RAB38: variants seen among roughly 807,000 people sequenced by gnomAD.
The protein encoded by RAB38 is ras-related protein Rab-38.
Under a neutral mutation model 18.4 loss-of-function variants are expected in RAB38, and 15 were observed. That is an observed-to-expected ratio of 0.82 (90% CI 0.55 to 1.26). The LOEUF (loss-of-function observed/expected upper bound fraction) is 1.26. RAB38 is among the 50% of genes most tolerant of loss of function. The pLI, the probability that RAB38 is intolerant of heterozygous loss-of-function variation, is 0.00. For synonymous variants in RAB38, 101 were observed against 104.4 expected, an observed-to-expected ratio of 0.97 and a Z score of 0.20; for missense variants, 294 against 267.4, an observed-to-expected ratio of 1.10 and a Z score of -0.69.
At chr11:88,041,982 C>G in the RAB38 span, among the ~76,000 whole-genome samples, 1 of 152,000 alleles carries the variant, frequency 6.6e-6, no homozygotes, top group Non-Finnish European at 1.5e-5. Flanking sequence ...GAGAACTAGA[C>G]CCCAAAAATT....
the RAB38 span, among the ~76,000 whole-genome samples, chr11:87,891,755 G>C: frequency 6.6e-6 from 1 of 151,872 alleles, no homozygotes; most frequent in African/African-American, 2.4e-5. Flanking sequence ...GAACACTATA[G>C]ATAGGCCACT....
the RAB38 span, among the ~76,000 whole-genome samples, chr11:88,017,885 G>A: frequency 2.0e-5 from 3 of 151,894 alleles, no homozygotes; most frequent in African/African-American, 7.3e-5. Context: ...CCTGGTAGGA[G>A]GTAATTGAAA....
At chr11:87,967,111 T>G in the RAB38 span, among the ~76,000 whole-genome samples, 1 of 152,218 alleles carries the variant, frequency 6.6e-6, no homozygotes, top group Admixed American at 6.5e-5. Flanking sequence ...ATTTAATTCC[T>G]TTGAACTTTA....
the RAB38 span, chr11:87,817,177 G>C: frequency 7.2e-5 from 11 of 152,214 alleles, no homozygotes; most frequent in East Asian, 2.1e-3. Context: ...ACTGCTATAA[G>C]GTATACAAAT....
the RAB38 span, among the ~76,000 whole-genome samples, chr11:88,095,231 T>G: frequency 6.6e-6 from 1 of 151,900 alleles, no homozygotes; most frequent in Non-Finnish European, 1.5e-5. Flanking sequence ...TCAACACCAT[T>G]CCTGACATAA....
the RAB38 span, among the ~76,000 whole-genome samples, chr11:88,089,812 C>A: frequency 6.6e-6 from 1 of 151,916 alleles, no homozygotes; most frequent in Non-Finnish European, 1.5e-5. Flanking sequence ...AGCTACCGCC[C>A]GCAATGGACA....
chr11:88,021,959 G>A, the RAB38 span, among the ~76,000 whole-genome samples: 2 of 151,548 alleles, frequency 1.3e-5, no homozygotes, highest in African/African-American at 2.4e-5. Context: ...ATGAGCCACT[G>A]CACCTGGCCA....
At chr11:87,962,847 C>T in the RAB38 span, among the ~76,000 whole-genome samples, 13 of 152,000 alleles carry the variant, frequency 8.6e-5, no homozygotes, top group East Asian at 3.9e-4. Flanking sequence ...AAGTGATGGA[C>T]GTATTAACTA....
chr11:88,108,648 G>A (rs1033645489), downstream of RAB38, among the ~76,000 whole-genome samples: 3 of 152,084 alleles, frequency 2.0e-5, no homozygotes, highest in Admixed American at 6.6e-5. Context: ...TTACATTTAA[G>A]GTAAATATTG....
At chr11:88,072,443 C>G in the RAB38 span, among the ~76,000 whole-genome samples, 1 of 152,074 alleles carries the variant, frequency 6.6e-6, no homozygotes, top group African/African-American at 2.4e-5. Flanking sequence ...CTGTGAGATA[C>G]TATCAATGGT....
the RAB38 span, among the ~76,000 whole-genome samples, chr11:87,969,484 C>T: frequency 1.2e-4 from 18 of 152,194 alleles, no homozygotes; most frequent in South Asian, 2.1e-4. Context: ...GAATGTTAGA[C>T]GTGAAGAATG....
chr11:88,054,509 T>G, the RAB38 span, among the ~76,000 whole-genome samples: 1 of 152,244 alleles, frequency 6.6e-6, no homozygotes, highest in Admixed American at 6.5e-5. Context: ...GTTTTAATGC[T>G]GAGAACTGTA....
the RAB38 span, among the ~76,000 whole-genome samples, chr11:87,872,044 G>C: frequency 3.3e-5 from 5 of 151,454 alleles, no homozygotes; most frequent in Non-Finnish European, 7.4e-5. Context: ...TTATAATATA[G>C]TGGTTAATAC....
the RAB38 span, among the ~76,000 whole-genome samples, chr11:87,957,410 A>G: frequency 2.0e-5 from 3 of 151,716 alleles, no homozygotes; most frequent in East Asian, 1.9e-4. Context: ...AAAAAAACCC[A>G]TAAGTTTATT....
At chr11:87,835,678 G>A in the RAB38 span, among the ~76,000 whole-genome samples, 2 of 152,172 alleles carry the variant, frequency 1.3e-5, no homozygotes, top group South Asian at 4.1e-4. Flanking sequence ...TGAAGACAGA[G>A]GGAGATGTCC....
the RAB38 span, among the ~76,000 whole-genome samples, chr11:87,962,977 G>C: frequency 2.6e-5 from 4 of 152,128 alleles, no homozygotes; most frequent in East Asian, 5.8e-4. Flanking sequence ...AATATTACCT[G>C]TATCTCAGGG....
the RAB38 span, among the ~76,000 whole-genome samples, chr11:87,974,528 G>A: frequency 1.3e-5 from 2 of 151,624 alleles, no homozygotes. Context: ...TAAAACCTCA[G>A]GAAAAATAAG....
the RAB38 span, among the ~76,000 whole-genome samples, chr11:87,809,467 C>T: frequency 1.3e-5 from 2 of 152,190 alleles, no homozygotes; most frequent in Non-Finnish European, 2.9e-5. Flanking sequence ...AAGGCCAAGT[C>T]ACGGTCTCTG....
At chr11:87,894,263 G>A in the RAB38 span, among the ~76,000 whole-genome samples, 13 of 151,648 alleles carry the variant, frequency 8.6e-5, no homozygotes, top group Non-Finnish European at 1.9e-4. Flanking sequence ...ATCAGTAATT[G>A]AGAGGCAAGG....
Sources: allele counts gnomAD v4.1 joint callset (sites outside exome capture counted in the v4.1 genomes callset), GRCh38; gene constraint gnomAD v4.1.1; transcripts MANE v1.5; gene names NCBI Gene and HGNC (gene_info 2026-07-23, HGNC 2026-07-21).